Variants in RERE observed in about 807,000 individuals in gnomAD.
RERE encodes arginine-glutamic acid dipeptide repeats protein.
A neutral mutation model predicts 146.1 loss-of-function variants in RERE; 40 were observed. That is an observed-to-expected ratio of 0.27 (90% confidence interval 0.21 to 0.36). The LOEUF (loss-of-function observed/expected upper bound fraction) is 0.36, where lower values mean the gene tolerates loss of function less well. RERE is among the 10% of genes least tolerant of loss of function. RERE has a pLI of 1.00. For missense variants in RERE, 1,933 were observed against 2,138.7 expected (o/e 0.90, Z 1.90); for synonymous variants, 1,003 against 866.0 (o/e 1.16, Z -2.78).
intron 1 of RERE, among the ~76,000 whole-genome samples, chr1:8,775,945 C>A (rs1641055534): frequency 6.6e-6 from 1 of 152,164 alleles, no homozygotes; most frequent in African/African-American, 2.4e-5. Flanking sequence ...GATTTAAACC[C>A]AGGCGGTCTT....
At chr1:8,601,548 G>C (rs1267046746) in intron 4 of RERE, among the ~76,000 whole-genome samples, 1 of 150,574 alleles carries the variant, frequency 6.6e-6, no homozygotes, top group Non-Finnish European at 1.5e-5. Flanking sequence ...TTTGCCTTAA[G>C]ATGTTATTCC....
At chr1:8,493,744 G>A (rs1461083800) in intron 10 of RERE, among the ~76,000 whole-genome samples, 1 of 151,934 alleles carries the variant, frequency 6.6e-6, no homozygotes, top group Admixed American at 6.6e-5. Flanking sequence ...AGAACAAAGG[G>A]GTGCTTAAAT....
rs1050386921 is a variant in RERE, at chr1:8,502,996, T to A, written c.880-5467A>T. On this transcript the variant is annotated intron_variant, in intron 8 of 22. Coordinates refer to ENST00000400908, the MANE Select transcript of RERE (RefSeq NM_001042681.2). ...GCCTAGGAAAACCAGAGACCTTTGT[T>A]CACTTGTTTATCTGCTGACCTTCCC... is the stretch of plus-strand genomic sequence containing the variant. Among the ~76,000 whole-genome samples the A allele has an allele frequency of 1.0e-3, 154 of 150,514 alleles. 2 individuals carry two copies. Among genetic ancestry groups the A allele is most frequent in the African/African-American group, 3.7e-3 (152 of 40,952 alleles).
In RERE at chr1:8,499,803, T is replaced by C. The variant is rs374492627; in HGVS notation, c.880-2274A>G. Among the ~76,000 whole-genome samples, 14 of 152,324 alleles carry C rather than the reference T, an allele frequency of 9.2e-5. No individual in the cohort carries two copies. The South Asian group carries it at 1.9e-3, about 20-fold the overall frequency. On this transcript the variant is annotated intron_variant, in intron 8 of 22. Transcript: ENST00000400908. ...GTCACAATTAGTTCTGCTTAACACA[T>C]AGTGAAAATAGTGGGATAAAATTAA...
chr1:8,468,012 C>A (rs1644625723), intron 10 of RERE, among the ~76,000 whole-genome samples: 1 of 152,186 alleles, frequency 6.6e-6, no homozygotes, highest in Admixed American at 6.5e-5. Context: ...CCAGAGCATT[C>A]TCACAGTTTA....
intron 1 of RERE, among the ~76,000 whole-genome samples, chr1:8,732,478 C>T (rs1022350497): frequency 6.6e-6 from 1 of 152,094 alleles, no homozygotes; most frequent in African/African-American, 2.4e-5. Context: ...AGTAAAAGGA[C>T]CAGTGGTTGC....
intron 1 of RERE, chr1:8,750,814 A>C (rs747175874): frequency 5.3e-5 from 44 of 822,716 alleles, no homozygotes; most frequent in Non-Finnish European, 8.5e-5. Context: ...ACAAGGCTTC[A>C]ATTAACATGC....
At chr1:8,707,535 G>A (rs1639581635) in intron 1 of RERE, among the ~76,000 whole-genome samples, 1 of 152,076 alleles carries the variant, frequency 6.6e-6, no homozygotes, top group Non-Finnish European at 1.5e-5. Context: ...CAAGGAAACT[G>A]CATTTTTACA....
chr1:8,760,154 T>TC (rs1204812612), intron 1 of RERE, among the ~76,000 whole-genome samples: 1 of 152,126 alleles, frequency 6.6e-6, no homozygotes, highest in Non-Finnish European at 1.5e-5. Context: ...GCCTCCTGAG[T>TC]AGCTGGGATT....
At position 8,359,901 on chromosome 1, in the gene RERE, T is replaced by C; in HGVS notation, c.3481A>G (p.Lys1161Glu). The C allele has an allele frequency of 6.2e-7, 1 of 1,613,318 alleles. No individual in the cohort carries two copies. Among genetic ancestry groups the C allele is most frequent in the Admixed American group, 1.7e-5 (1 of 60,026 alleles). The change falls in exon 19 of 23, where the codon AAG (lysine) becomes GAG (glutamate). Residue 1161 changes from lysine (K) to glutamate (E), a missense_variant. Physicochemically the swap from Lys to Glu is moderately conservative, Grantham distance 56 (BLOSUM62 1). Coordinates refer to ENST00000400908, the MANE Select transcript of RERE (RefSeq NM_001042681.2). ...FMPLAGSKLA[K>E]KREEAIEKAK... ...TTCTCAATGGCCTCCTCCCTCTTCT[T>C]GGCCAGCTTGGACCCGGCCAGAGGC... is the stretch of plus-strand genomic sequence containing the variant.
chr1:8,465,853 A>G (rs758937422), intron 11 of RERE, 72 bp downstream of exon 11: 148 of 1,250,770 alleles, frequency 1.2e-4, no homozygotes, highest in Non-Finnish European at 1.6e-4. Flanking sequence ...CCTGAGCAGC[A>G]GGGAGGTCAC....
rs538629961 is a variant in RERE at position 8,360,128 on chromosome 1, C to A, written c.3379G>T (p.Ala1127Ser). 3 of 1,579,480 alleles carry A rather than the reference C, an allele frequency of 1.9e-6. No individual in the cohort carries two copies. Among genetic ancestry groups the A allele is most frequent in the Non-Finnish European group, 1.7e-6 (2 of 1,161,360 alleles). Reference protein sequence around the residue: ...EPTVVDTPSHASQSARFYKHL... With the variant: ...EPTVVDTPSHSSQSARFYKHL... ...GAAGCGTACCTAGCTGACTGGCTGG[C>A]GTGACTGGGGGTGTCCACCACAGTG... Residue 1127 changes from alanine to serine, a missense_variant, in exon 18 of 23, where the codon GCC becomes TCC. Around this residue, in one of 11 missense-constraint regions of RERE, gnomAD observed 1,255 missense variants for 1,153.8 expected, o/e 1.09. Coordinates refer to ENST00000400908, the MANE Select transcript of RERE (RefSeq NM_001042681.2).
At chr1:8,773,462 G>C (rs149300532) in intron 1 of RERE, among the ~76,000 whole-genome samples, 1 of 152,300 alleles carries the variant, frequency 6.6e-6, no homozygotes, top group African/African-American at 2.4e-5. Context: ...GGGAGGCCAA[G>C]GTGCGCCAAT....
chr1:8,516,038 G>A (rs1013640274), intron 7 of RERE, among the ~76,000 whole-genome samples: 1 of 151,610 alleles, frequency 6.6e-6, no homozygotes, highest in Non-Finnish European at 1.5e-5. Flanking sequence ...CCAATATGGA[G>A]AAGCCCCACC....
At chr1:8,526,472 ACT>A (rs1429976106) in intron 7 of RERE, among the ~76,000 whole-genome samples, 1 of 152,130 alleles carries the variant, frequency 6.6e-6, no homozygotes, top group African/African-American at 2.4e-5. Flanking sequence ...TCTTTTTGAA[ACT>A]CTAAACATTT....
Position 8,484,482 on chromosome 1 carries a change from G to A in RERE, c.1104+10581C>T, listed in dbSNP as rs187668892. 2.7e-4 allele frequency among the ~76,000 whole-genome samples: 40 copies of A among 150,090 alleles called. 1 individual carries two copies. Among genetic ancestry groups the A allele is most frequent in the Non-Finnish European group, 4.7e-4 (32 of 67,830 alleles). ...GCTCTGTCGCCCAGGCTGGAGTGCA[G>A]TAGCGCCATCTCGGCTCACTGCAAG... is the stretch of plus-strand genomic sequence containing the variant. On this transcript the variant is annotated intron_variant, in intron 10 of 22. Coordinates refer to ENST00000400908, the MANE Select transcript of RERE (RefSeq NM_001042681.2).
At chr1:8,570,997 A>T (rs1190735987) in intron 4 of RERE, among the ~76,000 whole-genome samples, 1 of 152,228 alleles carries the variant, frequency 6.6e-6, no homozygotes, top group Non-Finnish European at 1.5e-5. Context: ...CTTTCCAAAA[A>T]CTGAGCTCAG....
At chr1:8,518,943 T>C (rs572639268) in intron 7 of RERE, among the ~76,000 whole-genome samples, 1 of 152,220 alleles carries the variant, frequency 6.6e-6, no homozygotes, top group South Asian at 2.1e-4. Flanking sequence ...AATAAACAAA[T>C]AAACAAACAA....
chr1:8,468,640 C>T (rs145979379), intron 10 of RERE, among the ~76,000 whole-genome samples: 2 of 152,232 alleles, frequency 1.3e-5, no homozygotes, highest in East Asian at 1.9e-4. Flanking sequence ...GTAAGCCCAA[C>T]ACTTTGGGAG....
Sources: allele counts gnomAD v4.1 joint callset (sites outside exome capture counted in the v4.1 genomes callset), GRCh38; gene constraint gnomAD v4.1.1; regional missense constraint gnomAD v4.1.1; transcripts MANE v1.5; gene names NCBI Gene and HGNC (gene_info 2026-07-23, HGNC 2026-07-21).